The following ARK2N variants were observed in gnomAD, a reference collection of about 807,000 sequenced individuals.
ARK2N encodes arkadia (RNF111) N-terminal like PKA signaling regulator 2N.
At chr18:46,181,102 A>T in the ARK2N span, among the ~76,000 whole-genome samples, 7 of 151,924 alleles carry the variant, frequency 4.6e-5, no homozygotes, top group Admixed American at 4.6e-4. Flanking sequence ...TCTACTAAAA[A>T]TACAAAAATC....
the ARK2N span, among the ~76,000 whole-genome samples, chr18:46,255,430 CTTTTCTTTTCTTTTCTT>C: frequency 3.2e-5 from 4 of 123,090 alleles, no homozygotes; most frequent in African/African-American, 1.3e-4. Flanking sequence ...CTTTTCTTTG[CTTTTCTTTTCTTTTCTT>C]TTTTTTTTTT....
chr18:46,220,353 T>C, the ARK2N span, among the ~76,000 whole-genome samples: 1 of 152,216 alleles, frequency 6.6e-6, no homozygotes, highest in Non-Finnish European at 1.5e-5. Flanking sequence ...ACCATACATA[T>C]TTATGCAGTG....
the ARK2N span, among the ~76,000 whole-genome samples, chr18:46,256,244 C>G: frequency 2.6e-5 from 4 of 152,248 alleles, no homozygotes; most frequent in East Asian, 7.7e-4. Context: ...TATTGTTTAT[C>G]TAGTCTCTTA....
the ARK2N span, among the ~76,000 whole-genome samples, chr18:46,235,236 C>G: frequency 1.3e-5 from 2 of 152,202 alleles, no homozygotes; most frequent in Admixed American, 6.5e-5. Flanking sequence ...TGATATTTCA[C>G]TTCAAACAAA....
the ARK2N span, among the ~76,000 whole-genome samples, chr18:46,222,152 G>T: frequency 6.6e-6 from 1 of 152,324 alleles, no homozygotes. Context: ...CCAGGCATCA[G>T]CTTTAAATGA....
At chr18:46,219,185 C>T in the ARK2N span, 1 of 152,122 alleles carries the variant, frequency 6.6e-6, no homozygotes, top group East Asian at 1.9e-4. Flanking sequence ...AGTTTGATAT[C>T]TGGGCAACAG....
the ARK2N span, among the ~76,000 whole-genome samples, chr18:46,198,723 C>G: frequency 0.017 from 2,652 of 152,090 alleles, 73 homozygotes; most frequent in African/African-American, 0.06. Flanking sequence ...CTCAGCCTCC[C>G]AAGTAGCTGG....
chr18:46,176,617 G>A, the ARK2N span, among the ~76,000 whole-genome samples: 1 of 146,154 alleles, frequency 6.8e-6, no homozygotes, highest in African/African-American at 2.6e-5. Context: ...ACCACACTCA[G>A]CTAATTTTTA....
chr18:46,188,517 C>T, the ARK2N span, among the ~76,000 whole-genome samples: 1 of 151,738 alleles, frequency 6.6e-6, no homozygotes, highest in Non-Finnish European at 1.5e-5. Context: ...GCTTGTTTTT[C>T]TTATTTTTAG....
chr18:46,208,596 A>C, the ARK2N span, among the ~76,000 whole-genome samples: 2 of 149,960 alleles, frequency 1.3e-5, no homozygotes, highest in Non-Finnish European at 2.9e-5. Flanking sequence ...CAGCCCCCCG[A>C]GTAGCTGGGA....
At chr18:46,190,564 T>TA in the ARK2N span, among the ~76,000 whole-genome samples, 2 of 152,068 alleles carry the variant, frequency 1.3e-5, no homozygotes, top group Admixed American at 6.6e-5. Context: ...TTCATCATTT[T>TA]AAAAAAATCA....
the ARK2N span, among the ~76,000 whole-genome samples, chr18:46,194,105 A>G: frequency 6.6e-6 from 1 of 152,002 alleles, no homozygotes; most frequent in East Asian, 1.9e-4. Context: ...CAGTCCTTCT[A>G]CATGCCTGGC....
chr18:46,234,100 A>C, the ARK2N span, among the ~76,000 whole-genome samples: 1 of 152,080 alleles, frequency 6.6e-6, no homozygotes, highest in Non-Finnish European at 1.5e-5. Flanking sequence ...TTTCTTTTCA[A>C]ATTATTCTGC....
At chr18:46,184,046 A>G in the ARK2N span, among the ~76,000 whole-genome samples, 22 of 152,112 alleles carry the variant, frequency 1.4e-4, 1 homozygote, top group South Asian at 4.6e-3. Context: ...GCTGGTGTGC[A>G]GTGGCATGAT....
chr18:46,248,732 G>A, the ARK2N span, among the ~76,000 whole-genome samples: 27 of 152,202 alleles, frequency 1.8e-4, no homozygotes, highest in African/African-American at 6.5e-4. Flanking sequence ...CTACAGGCAT[G>A]TGCCACCACA....
At chr18:46,248,233 G>A in the ARK2N span, among the ~76,000 whole-genome samples, 1 of 152,204 alleles carries the variant, frequency 6.6e-6, no homozygotes, top group African/African-American at 2.4e-5. Context: ...TGGGGGTTAA[G>A]AGCAGCTTCC....
At chr18:46,174,452 G>T in the ARK2N span, 1 of 152,354 alleles carries the variant, frequency 6.6e-6, no homozygotes, top group Non-Finnish European at 1.5e-5. Context: ...AGGGCTCTGC[G>T]GCGTCCGGAC....
the ARK2N span, among the ~76,000 whole-genome samples, chr18:46,213,706 TA>T: frequency 6.6e-6 from 1 of 152,076 alleles, no homozygotes; most frequent in Non-Finnish European, 1.5e-5. Flanking sequence ...TTATTTTATT[TA>T]TTTTTTTGAG....
chr18:46,199,403 C>T, the ARK2N span, among the ~76,000 whole-genome samples: 3 of 151,184 alleles, frequency 2.0e-5, no homozygotes, highest in Non-Finnish European at 4.4e-5. Context: ...CAACCTCTGT[C>T]TCCTGGCTTC....
Sources: allele counts gnomAD v4.1 joint callset (sites outside exome capture counted in the v4.1 genomes callset), GRCh38; gene constraint gnomAD v4.1.1; transcripts MANE v1.5; gene names NCBI Gene and HGNC (gene_info 2026-07-23, HGNC 2026-07-21).